The following PRUNE2 variants were observed in gnomAD, a reference collection of about 807,000 sequenced individuals.
The protein encoded by PRUNE2 is prune homolog 2 with BCH domain.
PRUNE2 carries 164 observed loss-of-function variants against 252.0 expected under a neutral mutation model. That is an observed-to-expected ratio of 0.65 (90% CI 0.57 to 0.74). The LOEUF (loss-of-function observed/expected upper bound fraction) is 0.74, where lower values mean the gene tolerates loss of function less well. Ranked by LOEUF, PRUNE2 falls within the 30% of genes least tolerant of loss-of-function variation. The pLI, the probability that PRUNE2 is intolerant of heterozygous loss-of-function variation, is 0.00. For missense variants in PRUNE2, 3,495 were observed against 3,711.0 expected (o/e 0.94, Z 1.51); for synonymous variants, 1,292 against 1,350.2 (o/e 0.96, Z 0.94).
chr9:76,879,579 T>C lies in PRUNE2; in HGVS notation c.37-25371A>G, dbSNP rs535914615. Among the ~76,000 whole-genome samples, 107 of 151,872 alleles carry C rather than the reference T, an allele frequency of 7.0e-4. 1 individual carries two copies. Among genetic ancestry groups the C allele is most frequent in the Non-Finnish European group, 1.4e-3 (96 of 68,010 alleles). ...GTAACATATCAAATAGAGATGAATA[T>C]TAAGAAGAAAAAAATAACAGGGAAA... is the stretch of plus-strand genomic sequence containing the variant. On this transcript the variant is annotated intron_variant, in intron 1 of 18. Transcript: ENST00000376718.
chr9:76,686,972 C>T (rs1410227742), intron 9 of PRUNE2, among the ~76,000 whole-genome samples: 13 of 152,134 alleles, frequency 8.5e-5, no homozygotes, highest in Admixed American at 8.5e-4. Flanking sequence ...AACTCCTGGC[C>T]TCGAGTGATC....
At chr9:76,886,029 A>C (rs2062074323) in intron 1 of PRUNE2, among the ~76,000 whole-genome samples, 1 of 151,700 alleles carries the variant, frequency 6.6e-6, no homozygotes, top group Non-Finnish European at 1.5e-5. Flanking sequence ...AATACAAAAA[A>C]AAAAAAATTA....
At chr9:76,750,531 C>A (rs1032789392) in intron 6 of PRUNE2, among the ~76,000 whole-genome samples, 1 of 152,192 alleles carries the variant, frequency 6.6e-6, no homozygotes, top group South Asian at 2.1e-4. Context: ...CCTGTCAGGG[C>A]CACAGCTTGC....
intron 6 of PRUNE2, among the ~76,000 whole-genome samples, chr9:76,719,057 G>A (rs2047401219): frequency 1.3e-5 from 2 of 152,128 alleles, no homozygotes; most frequent in Non-Finnish European, 2.9e-5. Flanking sequence ...AACTTTAGCA[G>A]CAGCATCACA....
intron 9 of PRUNE2, among the ~76,000 whole-genome samples, chr9:76,699,189 A>G (rs1166537886): frequency 6.6e-6 from 1 of 152,124 alleles, no homozygotes; most frequent in African/African-American, 2.4e-5. Context: ...GAAAGCCAAT[A>G]TATCTATATA....
chr9:76,713,593 C>A lies in PRUNE2; in HGVS notation c.885G>T (p.Val295=). Reference sequence around the variant, plus strand: ...TGCACAGCTCCATGTTTTCTGAGTACACAGCAATCTGTCGTCTCGGCTGCT... The same window carrying A: ...TGCACAGCTCCATGTTTTCTGAGTAAACAGCAATCTGTCGTCTCGGCTGCT... The part of the protein sequence containing the change: ...EEQQPRRQIA[V]YSENMELCSQ... The change falls in exon 7 of 19, where the codon GTG becomes GTT. Residue 295 remains valine, a synonymous_variant. Transcript: ENST00000376718. The A allele has an allele frequency of 6.2e-7, 1 of 1,610,002 alleles. No homozygotes were observed. Among genetic ancestry groups the A allele is most frequent in the East Asian group, 2.2e-5 (1 of 44,756 alleles).
At chr9:76,875,512 C>A (rs533827466) in intron 1 of PRUNE2, among the ~76,000 whole-genome samples, 131 of 152,198 alleles carry the variant, frequency 8.6e-4, no homozygotes, top group African/African-American at 3.1e-3. Context: ...ACTACAGACA[C>A]GTGCCACCAT....
intron 9 of PRUNE2, among the ~76,000 whole-genome samples, chr9:76,671,360 A>G (rs1471144864): frequency 6.7e-6 from 1 of 149,610 alleles, no homozygotes; most frequent in Non-Finnish European, 1.5e-5. Context: ...AGAAAAAAGA[A>G]TAAAAAGAAA....
intron 17 of PRUNE2, among the ~76,000 whole-genome samples, chr9:76,620,972 T>C (rs541300146): frequency 6.6e-6 from 1 of 152,350 alleles, no homozygotes; most frequent in South Asian, 2.1e-4. Flanking sequence ...TTCTTTCCTG[T>C]ATACAGCTAA....
intron 9 of PRUNE2, among the ~76,000 whole-genome samples, chr9:76,701,045 A>G (rs921972711): frequency 1.3e-5 from 2 of 152,224 alleles, no homozygotes; most frequent in Non-Finnish European, 2.9e-5. Flanking sequence ...GACGGCTGAC[A>G]GTATGTTTTA....
rs534221639 is a variant in PRUNE2 at position 76,791,780 on chromosome 9, T to C, written c.756+31852A>G. Among the ~76,000 whole-genome samples, 23 of 152,204 alleles carry C rather than the reference T, an allele frequency of 1.5e-4. No homozygotes were observed. The East Asian group carries it at 2.5e-3, about 17-fold the overall frequency. On this transcript the variant is annotated intron_variant, in intron 6 of 18. Transcript: ENST00000376718. ...AAGGAGTACAATGGATTTGGAAGAA[T>C]AGATAAAGAGCCAGACTACCCTGTC...
At chr9:76,826,333 A>G (rs532335941) in intron 5 of PRUNE2, among the ~76,000 whole-genome samples, 1 of 152,218 alleles carries the variant, frequency 6.6e-6, no homozygotes, top group Admixed American at 6.5e-5. Flanking sequence ...AAATTAGCTG[A>G]CTGTCATGGT....
intron 1 of PRUNE2, chr9:76,856,500 T>A (rs1262765087): frequency 6.6e-6 from 1 of 152,122 alleles, no homozygotes; most frequent in East Asian, 1.9e-4. Context: ...CCAAAACCAA[T>A]TATACTTAAG....
intron 6 of PRUNE2, among the ~76,000 whole-genome samples, chr9:76,767,255 C>T (rs1410521094): frequency 1.3e-5 from 2 of 151,950 alleles, no homozygotes; most frequent in Non-Finnish European, 2.9e-5. Context: ...AGTTCAAGAC[C>T]GGCCTGACCA....
At chr9:76,763,405 C>T (rs2073961222) in intron 6 of PRUNE2, among the ~76,000 whole-genome samples, 1 of 152,158 alleles carries the variant, frequency 6.6e-6, no homozygotes, top group Non-Finnish European at 1.5e-5. Flanking sequence ...TGAGCCATAA[C>T]AAGCATAGGC....
intron 9 of PRUNE2, among the ~76,000 whole-genome samples, chr9:76,698,095 G>A (rs992330179): frequency 6.6e-6 from 1 of 151,904 alleles, no homozygotes; most frequent in Non-Finnish European, 1.5e-5. Context: ...CACCCAGGCT[G>A]GAATGAAGTG....
In PRUNE2 at chr9:76,709,078, A is replaced by C; in HGVS notation, c.3196T>G (p.Ser1066Ala). 1 of 1,613,860 alleles carries C rather than the reference A, an allele frequency of 6.2e-7. No homozygotes were observed. The highest frequency in any genetic ancestry group is 8.5e-7 in the Non-Finnish European group (1 of 1,179,854). Residue 1066 changes from serine to alanine, a missense_variant, in exon 8 of 19, where the codon TCC becomes GCC. Transcript: ENST00000376718. ...KTEHTDGKNI[S>A]MEDDVGESSQ... ...CTTTCCCCGACGTCATCCTCCATGG[A>C]GATATTCTTACCATCTGTGTGCTCT... is the stretch of plus-strand genomic sequence containing the variant.
intron 11 of PRUNE2, among the ~76,000 whole-genome samples, chr9:76,649,590 T>TATAG (rs1332414510): frequency 1.9e-4 from 25 of 129,458 alleles, no homozygotes; most frequent in East Asian, 6.4e-4. Flanking sequence ...TGTCTTAAAG[T>TATAG]ATAGATAGAT....
chr9:76,878,017 G>A (rs867732846), intron 1 of PRUNE2, among the ~76,000 whole-genome samples: 3 of 152,208 alleles, frequency 2.0e-5, no homozygotes, highest in Middle Eastern at 3.2e-3. Flanking sequence ...GCAAGGCAGA[G>A]GTAGGAATCA....
Sources: gnomAD v4.1 joint callset for allele counts (sites outside exome capture counted in the v4.1 genomes callset) on GRCh38, gnomAD v4.1.1 for gene constraint, MANE v1.5 for transcripts, NCBI Gene and HGNC (gene_info 2026-07-23, HGNC 2026-07-21) for gene names.